Variants in BRSK1 observed in about 807,000 individuals in gnomAD.
The protein encoded by BRSK1 is BR serine/threonine kinase 1.
In BRSK1, 17 loss-of-function variants were observed where a neutral mutation model predicts 86.2. That is an observed-to-expected ratio of 0.20 (90% CI 0.14 to 0.30). BRSK1 has a LOEUF of 0.30. Among genes scored for constraint, BRSK1 ranks in the 10% least tolerant of loss-of-function variants. BRSK1 has a pLI of 1.00. For missense variants in BRSK1, 719 were observed against 1,071.9 expected, an observed-to-expected ratio of 0.67 and a Z score of 4.60; for synonymous variants, 464 against 440.1, an observed-to-expected ratio of 1.05 and a Z score of -0.68.
Position 55,306,500 on chromosome 19 carries a change from G to T in BRSK1, c.2089+50G>T. 1 of 1,593,008 alleles carries T rather than the reference G, an allele frequency of 6.3e-7. No homozygotes were observed. The highest frequency in any genetic ancestry group is 1.1e-5 in the South Asian group (1 of 90,636). ...GCAGCCCAGTGCTGGGACTGTTCACGACAGCTGAGACAGTGTAGGGGCCCA... is the reference window on the plus strand; with the variant it reads ...GCAGCCCAGTGCTGGGACTGTTCACTACAGCTGAGACAGTGTAGGGGCCCA... On this transcript the variant is annotated intron_variant, in intron 17 of 18. Transcript: ENST00000309383. The surrounding 1 kb of genome is among the most constrained non-coding windows in gnomAD (Gnocchi z 4.7).
At position 55,304,649 on chromosome 19, in the gene BRSK1, C is replaced by T; in HGVS notation, c.1446C>T (p.Gly482=). The T allele has an allele frequency of 6.6e-7, 1 of 1,515,952 alleles. No homozygotes were observed. Among genetic ancestry groups the T allele is most frequent in the Non-Finnish European group, 8.8e-7 (1 of 1,136,558 alleles). 93.9% of individuals were successfully genotyped at this position (1,515,952 alleles called of 1,614,324 possible). The change falls in exon 14 of 19, where the codon GGC becomes GGT. Residue 482 remains glycine, a synonymous_variant. Transcript: ENST00000309383. The surrounding 1 kb of genome is among the most constrained non-coding windows in gnomAD (Gnocchi z 5.2). ...AAACGCAGACGCTGCCTTCTCGGGG[C>T]CCCAGGGGTGGGGGCGCCGGGGAGC... The part of the protein sequence containing the change: ...TSKTQTLPSR[G]PRGGGAGEQP...
intron 1 of BRSK1, among the ~76,000 whole-genome samples, chr19:55,286,301 A>G (rs2088315713): frequency 6.6e-6 from 1 of 151,568 alleles, no homozygotes; most frequent in African/African-American, 2.4e-5. Flanking sequence ...TTTAGGGGCT[A>G]GTCAGGGCTA....
rs996082960 is a variant in BRSK1, at chr19:55,308,585, C to T, written c.2090-54C>T. The T allele has an allele frequency of 4.2e-6, 6 of 1,414,974 alleles. No individual in the cohort carries two copies. In the East Asian group the frequency reaches 1.2e-4, roughly 28 times the overall value. The allele number at this position is 1,414,974 out of a possible 1,614,324, so 87.7% of individuals were successfully genotyped here. Reference sequence around the variant, plus strand: ...GACTGGGTTCTGCAGGCTGGGACGGCCTTCCCGGTCCTGGACCCCCAGTCA... The same window carrying T: ...GACTGGGTTCTGCAGGCTGGGACGGTCTTCCCGGTCCTGGACCCCCAGTCA... On this transcript the variant is annotated intron_variant, in intron 17 of 18. Coordinates refer to ENST00000309383, the MANE Select transcript of BRSK1 (RefSeq NM_032430.2).
At chr19:55,286,968 C>T in intron 1 of BRSK1, 39 bp from the exon 2 acceptor site, 1 of 1,602,012 alleles carries the variant, frequency 6.2e-7, no homozygotes, top group Non-Finnish European at 8.6e-7. Context: ...ACGAAGGGGA[C>T]CCGGCGGAAC....
chr19:55,305,254 GGCCTGTGTGCTGGCAACTGGGATGAT>G, intron 14 of BRSK1, 41 bp from the exon 15 acceptor site: 1 of 1,590,834 alleles, frequency 6.3e-7, no homozygotes, highest in Non-Finnish European at 8.6e-7. Context: ...GGCGAGTGCA[GGCCTGTGTGCTGGCAACTGGGATGAT>G]GCACAGGTGT....
intron 18 of BRSK1, 140 bp from the exon 19 acceptor site, chr19:55,311,771 C>A: frequency 1.2e-6 from 1 of 867,108 alleles, no homozygotes; most frequent in Non-Finnish European, 1.7e-6. Context: ...GCTGGACGGA[C>A]TGGGCCTTAT....
rs2088657789 is a variant in BRSK1 at position 55,306,888 on chromosome 19, G to A, written c.2089+438G>A. On this transcript the variant is annotated intron_variant, in intron 17 of 18. Coordinates refer to ENST00000309383, the MANE Select transcript of BRSK1 (RefSeq NM_032430.2). The surrounding 1 kb of genome is among the most constrained non-coding windows in gnomAD (Gnocchi z 4.7). The stretch of plus-strand genomic sequence containing the variant: ...TAAGATGGTAGAGCCAAAGGGTGAA[G>A]ACACAGCACACTGCTGTCTAATATC... Among the ~76,000 whole-genome samples the A allele has an allele frequency of 6.6e-6, 1 of 152,188 alleles. No homozygotes were observed. Among genetic ancestry groups the A allele is most frequent in the Non-Finnish European group, 1.5e-5 (1 of 68,038 alleles).
intron 7 of BRSK1, among the ~76,000 whole-genome samples, chr19:55,298,461 C>T (rs938273121): frequency 1.3e-5 from 2 of 152,074 alleles, no homozygotes; most frequent in African/African-American, 4.8e-5. Context: ...CATGAGCCAC[C>T]GCACCTGGCC....
rs764156516 is a variant in BRSK1 at position 55,306,233 on chromosome 19, G to A, written c.1891-19G>A. The A allele has an allele frequency of 2.5e-6, 4 of 1,612,870 alleles. No individual in the cohort carries two copies. In the East Asian group the frequency reaches 6.7e-5, roughly 27 times the overall value. ...CCATTTCCTGGGCTCACCCCTTCCT[G>A]TGTTCCTACCTCGCTCAGATCCCCA... On this transcript the variant is annotated intron_variant, in intron 16 of 18. Transcript: ENST00000309383. This position sits in a 1 kb window ranked among gnomAD's most constrained non-coding sequence, Gnocchi z 4.7.
At chr19:55,305,074 AC>A in intron 14 of BRSK1, among the ~76,000 whole-genome samples, 154 bp downstream of exon 14, 1 of 152,204 alleles carries the variant, frequency 6.6e-6, no homozygotes, top group Admixed American at 6.5e-5. Flanking sequence ...GCAGAGGTGC[AC>A]CTGTTGGGGA....
chr19:55,303,943 C>G lies in BRSK1; in HGVS notation c.1287-107C>G. On this transcript the variant is annotated intron_variant, in intron 12 of 18. Coordinates refer to ENST00000309383, the MANE Select transcript of BRSK1 (RefSeq NM_032430.2). The surrounding 1 kb of genome is among the most constrained non-coding windows in gnomAD (Gnocchi z 5.1). ...CCTTGGGACAATTCACCTCCCCTCT[C>G]TGGGCCTCATTTCCTCACCTGGAAG... is the stretch of plus-strand genomic sequence containing the variant. 1 of 1,510,396 alleles carries G rather than the reference C, an allele frequency of 6.6e-7. No individual in the cohort carries two copies. The highest frequency in any genetic ancestry group is 8.9e-7 in the Non-Finnish European group (1 of 1,124,214). 93.6% of individuals were successfully genotyped at this position (1,510,396 alleles called of 1,614,324 possible).
chr19:55,308,749 TGGTGGGG>T, intron 18 of BRSK1, 21 bp downstream of exon 18: 1 of 790,902 alleles, frequency 1.3e-6, no homozygotes, highest in Admixed American at 3.1e-5. Flanking sequence ...GGGCCGTGGG[TGGTGGGG>T]GGCGTGGGTG....
Position 55,303,642 on chromosome 19 carries a change from T to C in BRSK1, c.1127-25T>C, listed in dbSNP as rs1196702915. ...ACAGCTGGGTGAAACCATCTCTTGA[T>C]TGGGTTGAAACTGTTGTCCCTCAGA... On this transcript the variant is annotated intron_variant, in intron 11 of 18. Transcript: ENST00000309383. The surrounding 1 kb of genome is among the most constrained non-coding windows in gnomAD (Gnocchi z 5.1). The C allele has an allele frequency of 1.1e-5, 17 of 1,576,258 alleles. No homozygotes were observed. Among genetic ancestry groups the C allele is most frequent in the Non-Finnish European group, 1.3e-5 (15 of 1,159,446 alleles).
chr19:55,289,017 C>T (rs371140783), intron 3 of BRSK1, among the ~76,000 whole-genome samples: 6 of 152,270 alleles, frequency 3.9e-5, no homozygotes, highest in South Asian at 2.1e-4. Context: ...TTTCCTCACT[C>T]CAGAGGGAAT....
chr19:55,305,287 G>A, intron 14 of BRSK1, 34 bp from the exon 15 acceptor site: 2 of 1,612,884 alleles, frequency 1.2e-6, no homozygotes, highest in South Asian at 2.2e-5. Context: ...TGATGCACAG[G>A]TGTTGACCAC....
chr19:55,287,674 A>G lies in BRSK1; in HGVS notation c.317+375A>G, dbSNP rs1286546914. 6.6e-6 allele frequency among the ~76,000 whole-genome samples: 1 copy of G among 152,202 alleles called. No homozygotes were observed. The highest frequency in any genetic ancestry group is 6.5e-5 in the Admixed American group (1 of 15,276). On this transcript the variant is annotated intron_variant, in intron 3 of 18. Coordinates refer to ENST00000309383, the MANE Select transcript of BRSK1 (RefSeq NM_032430.2). This position sits in a 1 kb window ranked among gnomAD's most constrained non-coding sequence, Gnocchi z 5.3. ...CAAGGGGCCTAGCAAAGCCCAAAGG[A>G]TCTTCCCAAACCCCAACTCTGGAGC...
At chr19:55,286,936 A>AG in intron 1 of BRSK1, 71 bp from the exon 2 acceptor site, 20 of 1,450,574 alleles carry the variant, frequency 1.4e-5, no homozygotes, top group Non-Finnish European at 1.9e-5. Context: ...AGGGTGGCCA[A>AG]GGGGGGACAT....
At position 55,303,676 on chromosome 19, in the gene BRSK1, G is replaced by A. The variant is rs1160140094; in HGVS notation, c.1136G>A (p.Arg379Gln). 4.4e-6 allele frequency: 7 copies of A among 1,601,894 alleles called. No individual in the cohort carries two copies. Among genetic ancestry groups the A allele is most frequent in the East Asian group, 2.2e-5 (1 of 44,748 alleles). The change falls in exon 12 of 19, where the codon CGG becomes CAG. Residue 379 changes from arginine (R) to glutamine (Q), a missense_variant. Physicochemically the swap from Arg to Gln is conservative, Grantham distance 43 (BLOSUM62 1). Transcript: ENST00000309383. The surrounding 1 kb of genome is among the most constrained non-coding windows in gnomAD (Gnocchi z 5.1). ...LPPRNDVDPP[R>Q]KRVDSPMLSR... ...AACTGTTGTCCCTCAGACCCCCCCCGGAAGCGTGTGGATTCTCCCATGCTG... is the reference window on the plus strand; with the variant it reads ...AACTGTTGTCCCTCAGACCCCCCCCAGAAGCGTGTGGATTCTCCCATGCTG...
chr19:55,296,963 C>T (rs1423224469), intron 7 of BRSK1, among the ~76,000 whole-genome samples: 1 of 152,110 alleles, frequency 6.6e-6, no homozygotes, highest in African/African-American at 2.4e-5. Context: ...CTGTAGTGAG[C>T]CATGATCATG....
Sources: gnomAD v4.1 joint callset for allele counts (sites outside exome capture counted in the v4.1 genomes callset) on GRCh38, gnomAD v4.1.1 for gene constraint, Gnocchi (gnomAD v3.1) non-coding constraint, MANE v1.5 for transcripts, NCBI Gene and HGNC (gene_info 2026-07-23, HGNC 2026-07-21) for gene names.